MTARC2: variants seen among roughly 807,000 people sequenced by gnomAD.
MTARC2 encodes MOCO sulphurase C-terminal domain containing 2.
MTARC2 carries 27 observed loss-of-function variants against 35.6 expected under a neutral mutation model. The ratio of observed to expected loss-of-function variants is 0.76; its 90% CI spans 0.56 to 1.04. The LOEUF (loss-of-function observed/expected upper bound fraction) is 1.04. Among genes scored for constraint, MTARC2 ranks in the 50% least tolerant of loss-of-function variants. The pLI is 0.00. For missense variants in MTARC2, 412 were observed against 432.5 expected (o/e 0.95, Z 0.42); for synonymous variants, 158 against 167.1 (o/e 0.95, Z 0.42).
At chr1:220,771,233 A>C (rs1671735304) in intron 4 of MTARC2, among the ~76,000 whole-genome samples, 1 of 138,332 alleles carries the variant, frequency 7.2e-6, no homozygotes, top group Non-Finnish European at 1.5e-5. Context: ...TTGGAGGCAG[A>C]GGTTGCAGTG....
At chr1:220,749,695 T>A (rs1671081002) in intron 1 of MTARC2, among the ~76,000 whole-genome samples, 1 of 152,130 alleles carries the variant, frequency 6.6e-6, no homozygotes, top group Admixed American at 6.6e-5. Flanking sequence ...CCTCCTAAAG[T>A]GCTGGGATTA....
intron 4 of MTARC2, chr1:220,770,642 A>G (rs1391074462): frequency 1.0e-5 from 9 of 871,282 alleles, no homozygotes; most frequent in Non-Finnish European, 1.2e-5. Flanking sequence ...CTGCATGGAC[A>G]AAGTGTGCTG....
In MTARC2 at chr1:220,753,895, C is replaced by T. The variant is rs139314011; in HGVS notation, c.273-1052C>T. 9.4e-3 allele frequency among the ~76,000 whole-genome samples: 1,433 copies of T among 152,078 alleles called. 9 individuals carry two copies. Among genetic ancestry groups the T allele is most frequent in the Middle Eastern group, 0.031 (9 of 294 alleles). On this transcript the variant is annotated intron_variant, in intron 1 of 7. Coordinates refer to ENST00000366913, the MANE Select transcript of MTARC2 (RefSeq NM_017898.5). ...CGAAACCCCATCTCTACTAAAAGTA[C>T]AAAAATTAGCTGGGCGTGGTGGTAC...
At chr1:220,763,568 TC>T (rs1182806403) in intron 4 of MTARC2, among the ~76,000 whole-genome samples, 1 of 152,150 alleles carries the variant, frequency 6.6e-6, no homozygotes, top group Admixed American at 6.5e-5. Flanking sequence ...TCCACCCTTT[TC>T]AAGGACACAC....
At chr1:220,767,253 T>G (rs1671604133) in intron 4 of MTARC2, among the ~76,000 whole-genome samples, 1 of 152,226 alleles carries the variant, frequency 6.6e-6, no homozygotes, top group South Asian at 2.1e-4. Flanking sequence ...GTTTACCTGG[T>G]ACCATCACAA....
intron 1 of MTARC2, among the ~76,000 whole-genome samples, chr1:220,752,761 C>T (rs1221034716): frequency 1.3e-5 from 2 of 150,098 alleles, no homozygotes; most frequent in Admixed American, 1.3e-4. Context: ...GCAGGAGGAT[C>T]GCTTGAGCCC....
intron 4 of MTARC2, among the ~76,000 whole-genome samples, chr1:220,767,136 C>G (rs1671601929): frequency 6.6e-6 from 1 of 152,074 alleles, no homozygotes; most frequent in South Asian, 2.1e-4. Context: ...AATCCTCTGG[C>G]CACGCACATT....
chr1:220,758,601 T>C (rs1671347384), intron 2 of MTARC2, among the ~76,000 whole-genome samples: 1 of 152,056 alleles, frequency 6.6e-6, no homozygotes, highest in African/African-American at 2.4e-5. Context: ...TGTATTTTAG[T>C]AGAGGTGGGG....
At chr1:220,760,200 GA>G (rs1378026179) in intron 2 of MTARC2, among the ~76,000 whole-genome samples, 1 of 152,164 alleles carries the variant, frequency 6.6e-6, no homozygotes, top group Non-Finnish European at 1.5e-5. Context: ...CCCTTGGAGG[GA>G]AAAACATACA....
At chr1:220,773,611 G>T (rs1286427550) in intron 4 of MTARC2, among the ~76,000 whole-genome samples, 2 of 152,066 alleles carry the variant, frequency 1.3e-5, no homozygotes, top group Non-Finnish European at 2.9e-5. Context: ...CTTACCTAAG[G>T]GATCTCTACT....
chr1:220,764,170 T>G (rs1206402499), intron 4 of MTARC2, among the ~76,000 whole-genome samples: 2 of 151,984 alleles, frequency 1.3e-5, no homozygotes, highest in East Asian at 3.9e-4. Context: ...CTCGGCTCGC[T>G]GCAAACTCCA....
intron 6 of MTARC2, among the ~76,000 whole-genome samples, chr1:220,780,514 G>A (rs1454121132): frequency 6.7e-6 from 1 of 149,842 alleles, no homozygotes; most frequent in Non-Finnish European, 1.5e-5. Context: ...GTGCAGTGGC[G>A]TGATCTTAGC....
At chr1:220,776,660 T>A (rs1324367588) in intron 4 of MTARC2, among the ~76,000 whole-genome samples, 1 of 152,194 alleles carries the variant, frequency 6.6e-6, no homozygotes, top group East Asian at 1.9e-4. Context: ...TTTGCTCTTT[T>A]AAACGCGGCC....
In MTARC2 at chr1:220,781,904, A is replaced by G. The variant is rs1672084816; in HGVS notation, c.*3A>G. 2 of 1,613,962 alleles carry G rather than the reference A, an allele frequency of 1.2e-6. No individual in the cohort carries two copies. Among genetic ancestry groups the G allele is most frequent in the East Asian group, 2.2e-5 (1 of 44,880 alleles). On this transcript the variant is annotated 3_prime_UTR_variant, in exon 7 of 8. Coordinates refer to ENST00000366913, the MANE Select transcript of MTARC2 (RefSeq NM_017898.5). ...ACCCTGTGTATCGGATGGTGTAGTGATGAGTGATGGATCCACTAGGGTGAT... is the reference window on the plus strand; with the variant it reads ...ACCCTGTGTATCGGATGGTGTAGTGGTGAGTGATGGATCCACTAGGGTGAT...
chr1:220,753,319 A>G (rs913980462), intron 1 of MTARC2, among the ~76,000 whole-genome samples: 2 of 152,146 alleles, frequency 1.3e-5, no homozygotes, highest in African/African-American at 4.8e-5. Flanking sequence ...AGCTTTTTGG[A>G]AGCAGGTAGT....
intron 4 of MTARC2, among the ~76,000 whole-genome samples, chr1:220,769,984 G>A (rs1671697057): frequency 6.7e-6 from 1 of 149,546 alleles, no homozygotes; most frequent in East Asian, 2.0e-4. Flanking sequence ...GCGGGCGACT[G>A]TAGCCCCAGC....
chr1:220,756,841 G>T (rs1413588902), intron 2 of MTARC2, among the ~76,000 whole-genome samples: 1 of 152,228 alleles, frequency 6.6e-6, no homozygotes, highest in Non-Finnish European at 1.5e-5. Flanking sequence ...GAGGGAAAGA[G>T]GAAGACCTTG....
chr1:220,774,552 G>A (rs2102565828), intron 4 of MTARC2, among the ~76,000 whole-genome samples: 1 of 152,334 alleles, frequency 6.6e-6, no homozygotes, highest in Admixed American at 6.5e-5. Context: ...CAGTGAAAGT[G>A]AGGCGCCAGT....
chr1:220,781,691 C>CTTGGAAGGCAAACTTGAGTACTA lies in MTARC2; in HGVS notation c.885-68_885-67insACTATTGGAAGGCAAACTTGAGT. 3 of 1,427,704 alleles carry CTTGGAAGGCAAACTTGAGTACTA rather than the reference C, an allele frequency of 2.1e-6. No homozygotes were observed. In the South Asian group the frequency reaches 3.8e-5, roughly 18 times the overall value. The allele number at this position is 1,427,704 out of a possible 1,614,324, so 88.4% of individuals were successfully genotyped here. A position where few individuals can be genotyped will look rare whatever the true frequency, so the allele number is the denominator to read the frequency against. ...ATTCTTGCTGTGTATTTATAAATAA[C>CTTGGAAGGCAAACTTGAGTACTA]TTGGAAGGCAAACTTGAGTTCTATT... On this transcript the variant is annotated intron_variant, in intron 6 of 7. Transcript: ENST00000366913.
Sources: allele counts gnomAD v4.1 joint callset (sites outside exome capture counted in the v4.1 genomes callset), GRCh38; gene constraint gnomAD v4.1.1; transcripts MANE v1.5; gene names NCBI Gene and HGNC (gene_info 2026-07-23, HGNC 2026-07-21).